Variants in SPAG9 observed in about 807,000 individuals in gnomAD.
SPAG9 encodes the protein C-Jun-amino-terminal kinase-interacting protein 4.
A neutral mutation model predicts 166.5 loss-of-function variants in SPAG9; 35 were observed. The ratio of observed to expected loss-of-function variants is 0.21; its 90% CI spans 0.16 to 0.28. The LOEUF (loss-of-function observed/expected upper bound fraction) is 0.28, where lower values mean the gene tolerates loss of function less well. Ranked by LOEUF, SPAG9 falls within the 10% of genes least tolerant of loss-of-function variation. The pLI is 1.00. For missense variants in SPAG9, 1,235 were observed against 1,603.3 expected, an observed-to-expected ratio of 0.77 and a Z score of 3.92; for synonymous variants, 534 against 565.5, an observed-to-expected ratio of 0.94 and a Z score of 0.79.
intron 25 of SPAG9, among the ~76,000 whole-genome samples, chr17:50,980,249 A>G (rs1192513366): frequency 6.6e-6 from 1 of 152,050 alleles, no homozygotes; most frequent in African/African-American, 2.4e-5. Flanking sequence ...CTTGTCGCCC[A>G]GGCTGGAGTG....
At chr17:51,069,579 T>A (rs965291902) in intron 2 of SPAG9, among the ~76,000 whole-genome samples, 2 of 152,098 alleles carry the variant, frequency 1.3e-5, no homozygotes, top group South Asian at 4.1e-4. Context: ...CTTATTTAAT[T>A]CCTTTAAATA....
At chr17:51,036,402 C>G (rs529052075) in intron 5 of SPAG9, among the ~76,000 whole-genome samples, 1 of 152,276 alleles carries the variant, frequency 6.6e-6, no homozygotes, top group South Asian at 2.1e-4. Context: ...GCTGACCCTG[C>G]TGACATCTTC....
intron 19 of SPAG9, 80 bp downstream of exon 19, chr17:50,993,684 T>G: frequency 7.1e-7 from 1 of 1,404,740 alleles, no homozygotes; most frequent in Non-Finnish European, 9.9e-7. Context: ...GGTGCAGAAC[T>G]GCATCTTCAG....
intron 6 of SPAG9, among the ~76,000 whole-genome samples, chr17:51,029,947 C>T (rs1202169243): frequency 2.0e-5 from 3 of 152,132 alleles, no homozygotes; most frequent in Non-Finnish European, 2.9e-5. Flanking sequence ...GTGGAGACCA[C>T]ATCAGAGGTC....
chr17:51,017,971 CATTA>C lies in SPAG9; in HGVS notation c.1091+2184_1091+2187del, dbSNP rs534874633. 5.0e-3 allele frequency among the ~76,000 whole-genome samples: 761 copies of C among 152,102 alleles called. 7 individuals carry two copies. Among genetic ancestry groups the C allele is most frequent in the Non-Finnish European group, 7.1e-3 (482 of 67,996 alleles). ...AATAAATGGCTTGTATTTTTATAGTCATTAATTAATTAAAGGATCAACTTTATGG... is the reference window on the plus strand; with the variant it reads ...AATAAATGGCTTGTATTTTTATAGTCATTAATTAAAGGATCAACTTTATGG... On this transcript the variant is annotated intron_variant, in intron 8 of 29. Coordinates refer to ENST00000262013, the MANE Select transcript of SPAG9 (RefSeq NM_001130528.3).
intron 2 of SPAG9, among the ~76,000 whole-genome samples, chr17:51,065,644 C>T (rs888165739): frequency 6.6e-6 from 1 of 152,158 alleles, no homozygotes; most frequent in African/African-American, 2.4e-5. Flanking sequence ...TAAGCTGAGG[C>T]AAAGACTGGC....
chr17:51,061,136 G>A (rs865865416), intron 2 of SPAG9, among the ~76,000 whole-genome samples: 3 of 149,272 alleles, frequency 2.0e-5, no homozygotes, highest in Admixed American at 6.7e-5. Context: ...GTAAGCCACC[G>A]CGCCCCACCG....
chr17:51,112,671 C>CCA (rs2049148694), intron 1 of SPAG9, among the ~76,000 whole-genome samples: 3 of 41,400 alleles, frequency 7.2e-5, no homozygotes, highest in Admixed American at 6.9e-4. Flanking sequence ...TCTGTCTCAA[C>CCA]AAAAAAAAAA....
At chr17:51,079,829 T>C (rs866345552) in intron 1 of SPAG9, 125 bp from the exon 2 acceptor site, 4 of 592,270 alleles carry the variant, frequency 6.8e-6, no homozygotes, top group African/African-American at 1.9e-5. Flanking sequence ...AATTATGACC[T>C]TGGGTTGATT....
At chr17:50,982,986 G>T (rs537899122) in intron 24 of SPAG9, among the ~76,000 whole-genome samples, 17 of 152,168 alleles carry the variant, frequency 1.1e-4, no homozygotes, top group Non-Finnish European at 1.9e-4. Context: ...TTTCGAATTA[G>T]AATGGACTTA....
At chr17:51,007,223 A>G in intron 10 of SPAG9, 46 bp downstream of exon 10, 2 of 1,129,636 alleles carry the variant, frequency 1.8e-6, no homozygotes, top group Non-Finnish European at 2.6e-6. Flanking sequence ...TGACTTGGAC[A>G]AGAAGAAAAT....
intron 2 of SPAG9, among the ~76,000 whole-genome samples, chr17:51,060,913 C>T (rs941889458): frequency 1.3e-5 from 2 of 148,592 alleles, no homozygotes; most frequent in Non-Finnish European, 3.0e-5. Flanking sequence ...ATGGTGCGAT[C>T]TCAGCTCACT....
intron 29 of SPAG9, 41 bp from the exon 30 acceptor site, chr17:50,966,428 A>C: frequency 8.3e-7 from 1 of 1,199,796 alleles, no homozygotes; most frequent in Non-Finnish European, 1.2e-6. Flanking sequence ...CTGAACACAT[A>C]AAATATAGAA....
intron 16 of SPAG9, 113 bp from the exon 17 acceptor site, chr17:50,995,646 A>C: frequency 4.2e-6 from 3 of 709,454 alleles, no homozygotes; most frequent in Non-Finnish European, 7.3e-6. Context: ...TTACTCCTTG[A>C]AATCAAGTTC....
At chr17:50,969,665 A>C (rs1000775565) in intron 29 of SPAG9, among the ~76,000 whole-genome samples, 1 of 152,118 alleles carries the variant, frequency 6.6e-6, no homozygotes, top group African/African-American at 2.4e-5. Context: ...TTGTCATTTT[A>C]AAATAGTTTT....
At position 50,964,587 on chromosome 17, in the gene SPAG9, CAA is replaced by C. The variant is rs373004587; in HGVS notation, c.*1683_*1684del. ...TGGGCAACAGAGCCAGACTCCGTCT[CAA>C]AAAAAAAAAAAAAAATCATATTTAG... On this transcript the variant is annotated 3_prime_UTR_variant, in exon 30 of 30. Transcript: ENST00000262013. 6.6e-3 allele frequency: 1,165 copies of C among 176,662 alleles called. No homozygotes were observed. Among genetic ancestry groups the C allele is most frequent in the South Asian group, 0.017 (356 of 21,526 alleles). 10.9% of individuals were successfully genotyped at this position (176,662 alleles called of 1,614,324 possible). A position where few individuals can be genotyped will look rare whatever the true frequency, so the allele number is the denominator to read the frequency against.
rs1294780719 is a variant in SPAG9 at position 51,006,216 on chromosome 17, C to T, written c.1293G>A (p.Lys431=). The change falls in exon 11 of 30, where the codon AAG becomes AAA. Residue 431 remains lysine (K), a synonymous_variant. Coordinates refer to ENST00000262013, the MANE Select transcript of SPAG9 (RefSeq NM_001130528.3). ...LETKNALNIV[K]NDLIAKVDEL... is the part of the protein sequence containing the mutation. ...CATCCACTTTTGCTATCAAATCATTCTTCACTATGTTCAAAGCATTTCTAA... is the reference window on the plus strand; with the variant it reads ...CATCCACTTTTGCTATCAAATCATTTTTCACTATGTTCAAAGCATTTCTAA... 4 of 1,613,992 alleles carry T rather than the reference C, an allele frequency of 2.5e-6. No homozygotes were observed. Among genetic ancestry groups the T allele is most frequent in the Non-Finnish European group, 3.4e-6 (4 of 1,179,996 alleles).
intron 8 of SPAG9, chr17:51,014,642 C>T (rs542349691): frequency 3.9e-4 from 101 of 256,534 alleles, no homozygotes; most frequent in African/African-American, 2.1e-3. Flanking sequence ...CTCAGTGCTT[C>T]CCATAGATTA....
At chr17:51,005,690 A>C (rs190831236) in intron 11 of SPAG9, among the ~76,000 whole-genome samples, 16 of 152,202 alleles carry the variant, frequency 1.1e-4, no homozygotes, top group Non-Finnish European at 1.9e-4. Flanking sequence ...GTCTCTACTA[A>C]CAGTACAAAA....
Sources: gnomAD v4.1 joint callset for allele counts (sites outside exome capture counted in the v4.1 genomes callset) on GRCh38, gnomAD v4.1.1 for gene constraint, MANE v1.5 for transcripts, NCBI Gene and HGNC (gene_info 2026-07-23, HGNC 2026-07-21) for gene names.